GON4L: variants seen among roughly 807,000 people sequenced by gnomAD.
GON4L encodes the protein gon-4 like.
Under a neutral mutation model 211.8 loss-of-function variants are expected in GON4L, and 87 were observed. That is an observed-to-expected ratio of 0.41 (90% CI 0.35 to 0.49). The LOEUF (loss-of-function observed/expected upper bound fraction) is 0.49, where lower values mean the gene tolerates loss of function less well. Among genes scored for constraint, GON4L ranks in the 20% least tolerant of loss-of-function variants. The pLI, the probability that GON4L is intolerant of heterozygous loss-of-function variation, is 0.15. For synonymous variants in GON4L, 875 were observed against 962.6 expected (o/e 0.91, Z 1.68); for missense variants, 2,155 against 2,659.5 (o/e 0.81, Z 4.17).
chr1:155,855,398 C>T (rs2102525699), intron 1 of GON4L, among the ~76,000 whole-genome samples: 1 of 152,084 alleles, frequency 6.6e-6, no homozygotes, highest in Non-Finnish European at 1.5e-5. Flanking sequence ...GCTCTGTCAC[C>T]CAGGCTGCAC....
intron 6 of GON4L, among the ~76,000 whole-genome samples, chr1:155,820,051 T>C (rs1668599098): frequency 6.6e-6 from 1 of 152,138 alleles, no homozygotes; most frequent in South Asian, 2.1e-4. Flanking sequence ...GCAGCTGGGA[T>C]TATAGGCGCA....
intron 14 of GON4L, among the ~76,000 whole-genome samples, chr1:155,781,621 C>A (rs539485518): frequency 6.6e-6 from 1 of 151,742 alleles, no homozygotes; most frequent in African/African-American, 2.4e-5. Flanking sequence ...TGCTACCATG[C>A]CTGGCTAATT....
chr1:155,853,272 T>C lies in GON4L; in HGVS notation c.505+4A>G, dbSNP rs543547383. On this transcript the variant is annotated splice_donor_region_variant and intron_variant, in intron 2 of 31. Transcript: ENST00000368331. ...ATGTAACCTAGAGACCTTGTATACCTTACCTCCTTCTTCCTTGACTTCTTC... is the reference window on the plus strand; with the variant it reads ...ATGTAACCTAGAGACCTTGTATACCCTACCTCCTTCTTCCTTGACTTCTTC... The C allele has an allele frequency of 1.2e-6, 2 of 1,612,640 alleles. No individual in the cohort carries two copies. Among genetic ancestry groups the C allele is most frequent in the East Asian group, 2.2e-5 (1 of 44,872 alleles).
At chr1:155,816,866 A>C (rs2102215480) in intron 6 of GON4L, among the ~76,000 whole-genome samples, 1 of 152,132 alleles carries the variant, frequency 6.6e-6, no homozygotes, top group Non-Finnish European at 1.5e-5. Flanking sequence ...ACAGGAAAAA[A>C]CAACACAGAG....
chr1:155,798,503 G>A (rs546770107), intron 11 of GON4L, among the ~76,000 whole-genome samples: 6 of 146,514 alleles, frequency 4.1e-5, no homozygotes, highest in South Asian at 4.3e-4. Flanking sequence ...TCTGCCTCCC[G>A]GGTTCACGCC....
At chr1:155,764,377 C>CA (rs1272712868) in intron 21 of GON4L, 1 of 166,516 alleles carries the variant, frequency 6.0e-6, no homozygotes, top group African/African-American at 2.4e-5. Flanking sequence ...CTTGGCCTCC[C>CA]AAAGTGCTGG....
At chr1:155,834,024 C>T (rs1234364705) in intron 2 of GON4L, among the ~76,000 whole-genome samples, 1 of 152,056 alleles carries the variant, frequency 6.6e-6, no homozygotes, top group Non-Finnish European at 1.5e-5. Context: ...TGGAACCTAG[C>T]TATCTTGCCC....
At chr1:155,757,402 C>CCATGT in intron 25 of GON4L, 79 bp from the exon 26 acceptor site, 1 of 1,245,892 alleles carries the variant, frequency 8.0e-7, no homozygotes. Context: ...CCACATACTT[C>CCATGT]CATGTTCTGC....
At position 155,816,235 on chromosome 1, in the gene GON4L, T is replaced by C. The variant is rs374806703; in HGVS notation, c.1042A>G (p.Ile348Val). The change falls in exon 7 of 32, where the codon ATT becomes GTT. Residue 348 changes from isoleucine (I) to valine (V), a missense_variant. By Grantham distance (29) the Ile-to-Val change is conservative. Coordinates refer to ENST00000368331, the MANE Select transcript of GON4L (RefSeq NM_001282860.2). Reference sequence around the variant, plus strand: ...ACCTTAATTTCATTGGCCTTCTTAATTGGTGAAATATTCCATGTTGGAATT... The same window carrying C: ...ACCTTAATTTCATTGGCCTTCTTAACTGGTGAAATATTCCATGTTGGAATT... Reference protein sequence around the residue: ...VVIPTWNISPIKKANEIKPPQ... With the variant: ...VVIPTWNISPVKKANEIKPPQ... 8 of 1,335,658 alleles carry C rather than the reference T, an allele frequency of 6.0e-6. No individual in the cohort carries two copies. The highest frequency in any genetic ancestry group is 2.3e-5 in the East Asian group (1 of 43,566). The allele number at this position is 1,335,658 out of a possible 1,614,324, so 82.7% of individuals were successfully genotyped here. A position where few individuals can be genotyped will look rare whatever the true frequency, so the allele number is the denominator to read the frequency against.
intron 19 of GON4L, among the ~76,000 whole-genome samples, chr1:155,770,511 T>C (rs755961005): frequency 2.1e-4 from 32 of 152,076 alleles, no homozygotes; most frequent in Non-Finnish European, 3.2e-4. Flanking sequence ...AACAGGATGA[T>C]AGAGCAAGAA....
chr1:155,811,215 AC>A (rs1274092888), intron 10 of GON4L, among the ~76,000 whole-genome samples: 2 of 150,530 alleles, frequency 1.3e-5, no homozygotes, highest in African/African-American at 2.4e-5. Flanking sequence ...ACACGGTGAA[AC>A]CCCCATCTCT....
chr1:155,820,685 C>G (rs985580260), intron 5 of GON4L, 29 bp from the exon 6 acceptor site: 1 of 1,559,266 alleles, frequency 6.4e-7, no homozygotes, highest in Non-Finnish European at 8.8e-7. Context: ...AAAGGAAATC[C>G]TCAATAAAAA....
chr1:155,800,722 C>A (rs976481716), intron 11 of GON4L, among the ~76,000 whole-genome samples: 8 of 151,798 alleles, frequency 5.3e-5, no homozygotes, highest in Admixed American at 5.3e-4. Flanking sequence ...CATGGTAGCG[C>A]GTACCTGTAG....
At chr1:155,781,453 ATT>A (rs1664417488) in intron 14 of GON4L, among the ~76,000 whole-genome samples, 1 of 710 alleles carries the variant, frequency 1.4e-3, no homozygotes, top group African/African-American at 1.5e-3. Context: ...ATCTATAATT[ATT>A]ATTATTATTA....
intron 14 of GON4L, among the ~76,000 whole-genome samples, chr1:155,780,438 C>G (rs768968516): frequency 6.6e-6 from 1 of 151,766 alleles, no homozygotes; most frequent in African/African-American, 2.4e-5. Context: ...TGAAAAAATA[C>G]GAAAATTAGC....
chr1:155,770,214 GA>G (rs1478919226), intron 19 of GON4L, among the ~76,000 whole-genome samples: 2 of 151,620 alleles, frequency 1.3e-5, no homozygotes, highest in African/African-American at 4.8e-5. Context: ...CCTTTCTCAA[GA>G]AAAAAACAAA....
At chr1:155,848,144 G>A (rs1009567089) in intron 2 of GON4L, among the ~76,000 whole-genome samples, 1 of 152,130 alleles carries the variant, frequency 6.6e-6, no homozygotes, top group Admixed American at 6.6e-5. Flanking sequence ...GCCATTTCCT[G>A]TACTCTGCTG....
intron 10 of GON4L, among the ~76,000 whole-genome samples, chr1:155,808,027 TTTC>T (rs934909937): frequency 1.3e-5 from 2 of 151,890 alleles, no homozygotes; most frequent in African/African-American, 4.8e-5. Context: ...ACAAAAATCT[TTTC>T]TTATTTATTT....
intron 2 of GON4L, among the ~76,000 whole-genome samples, chr1:155,836,250 T>G (rs1378264182): frequency 7.9e-4 from 1 of 1,272 alleles, no homozygotes; most frequent in African/African-American, 1.1e-3. Context: ...TTTGTTTTCG[T>G]TTTTTTTTTT....
Sources: gnomAD v4.1 joint callset for allele counts (sites outside exome capture counted in the v4.1 genomes callset) on GRCh38, gnomAD v4.1.1 for gene constraint, MANE v1.5 for transcripts, NCBI Gene and HGNC (gene_info 2026-07-23, HGNC 2026-07-21) for gene names.